RXFP1: variants seen among roughly 807,000 people sequenced by gnomAD.
The protein encoded by RXFP1 is relaxin receptor 1.
Under a neutral mutation model 89.8 loss-of-function variants are expected in RXFP1, and 73 were observed. The ratio of observed to expected loss-of-function variants is 0.81; its 90% CI spans 0.67 to 0.99. RXFP1 has a LOEUF of 0.99. RXFP1 is among the 50% of genes least tolerant of loss of function. The pLI, the probability that RXFP1 is intolerant of heterozygous loss-of-function variation, is 0.00. For synonymous variants in RXFP1, 277 were observed against 305.5 expected (o/e 0.91, Z 0.97); for missense variants, 793 against 895.5 (o/e 0.89, Z 1.46).
chr4:158,546,263 G>A (rs567819727), intron 1 of RXFP1, among the ~76,000 whole-genome samples: 14 of 152,230 alleles, frequency 9.2e-5, no homozygotes, highest in African/African-American at 3.4e-4. Flanking sequence ...TCTGTTATTG[G>A]TGTATAAGAA....
intron 1 of RXFP1, among the ~76,000 whole-genome samples, chr4:158,560,285 AT>A (rs1392816447): frequency 6.6e-6 from 1 of 152,108 alleles, no homozygotes; most frequent in Non-Finnish European, 1.5e-5. Context: ...CTCAGGGATG[AT>A]TTTTTTCCCA....
intron 1 of RXFP1, among the ~76,000 whole-genome samples, chr4:158,533,805 T>G (rs1444548259): frequency 6.6e-6 from 1 of 152,194 alleles, no homozygotes; most frequent in African/African-American, 2.4e-5. Context: ...CACTTACACC[T>G]GCCTTTCATG....
chr4:158,629,742 C>T (rs1193108764), intron 11 of RXFP1, among the ~76,000 whole-genome samples: 1 of 152,058 alleles, frequency 6.6e-6, no homozygotes, highest in African/African-American at 2.4e-5. Context: ...ATCCTCCCAC[C>T]TCAGCCTCCT....
At chr4:158,631,214 T>C (rs967941373) in intron 11 of RXFP1, among the ~76,000 whole-genome samples, 14 of 152,230 alleles carry the variant, frequency 9.2e-5, no homozygotes, top group African/African-American at 3.1e-4. Context: ...ACAAGACATT[T>C]GGAATTTTAA....
At chr4:158,631,596 C>T (rs1333305596) in intron 11 of RXFP1, among the ~76,000 whole-genome samples, 1 of 152,156 alleles carries the variant, frequency 6.6e-6, no homozygotes, top group Non-Finnish European at 1.5e-5. Flanking sequence ...AACACTTAAC[C>T]TCCCTGGGCT....
chr4:158,573,539 A>G (rs1165067756), intron 2 of RXFP1, among the ~76,000 whole-genome samples: 1 of 151,922 alleles, frequency 6.6e-6, no homozygotes, highest in East Asian at 1.9e-4. Flanking sequence ...ATGTAAGTGT[A>G]TTTTATGTGT....
intron 8 of RXFP1, among the ~76,000 whole-genome samples, chr4:158,615,344 C>T (rs1764344686): frequency 6.6e-6 from 1 of 151,876 alleles, no homozygotes; most frequent in Admixed American, 6.6e-5. Context: ...CAAGACCAGC[C>T]TGACCAACAT....
intron 2 of RXFP1, among the ~76,000 whole-genome samples, chr4:158,580,393 T>C (rs1210753753): frequency 2.6e-5 from 4 of 152,174 alleles, no homozygotes; most frequent in African/African-American, 4.8e-5. Flanking sequence ...AGATGTTAAA[T>C]ATCATAATAT....
intron 2 of RXFP1, among the ~76,000 whole-genome samples, chr4:158,584,502 A>C (rs1757931850): frequency 6.6e-6 from 1 of 152,186 alleles, no homozygotes; most frequent in African/African-American, 2.4e-5. Flanking sequence ...CTTATTTATT[A>C]ATCAATAAGC....
intron 3 of RXFP1, among the ~76,000 whole-genome samples, chr4:158,598,628 A>G (rs531531025): frequency 2.7e-3 from 412 of 152,232 alleles, no homozygotes; most frequent in Non-Finnish European, 5.2e-3. Flanking sequence ...CTCACATCCT[A>G]ACACTATCGC....
chr4:158,607,592 A>G (rs1452816802), intron 5 of RXFP1, among the ~76,000 whole-genome samples: 1 of 152,226 alleles, frequency 6.6e-6, no homozygotes, highest in Non-Finnish European at 1.5e-5. Flanking sequence ...GGGCTTTACT[A>G]TGTGTTAACA....
intron 3 of RXFP1, among the ~76,000 whole-genome samples, chr4:158,595,029 T>C (rs1385439567): frequency 6.6e-6 from 1 of 152,218 alleles, no homozygotes; most frequent in Admixed American, 6.5e-5. Context: ...ATAAGCACAA[T>C]GTATTATGTA....
At chr4:158,549,862 T>TG (rs796878254) in intron 1 of RXFP1, among the ~76,000 whole-genome samples, 25 of 152,200 alleles carry the variant, frequency 1.6e-4, no homozygotes, top group South Asian at 8.3e-4. Flanking sequence ...CTGCCCCTAC[T>TG]GGGGGGGTGC....
chr4:158,543,718 T>G, intron 1 of RXFP1: 1 of 969,770 alleles, frequency 1.0e-6, no homozygotes, highest in East Asian at 1.1e-4. Context: ...CTCTCCCTAG[T>G]ACTTCCTCCT....
At chr4:158,641,703 A>C (rs1018861945) in intron 14 of RXFP1, among the ~76,000 whole-genome samples, 1 of 152,212 alleles carries the variant, frequency 6.6e-6, no homozygotes, top group Non-Finnish European at 1.5e-5. Flanking sequence ...TATACACTAA[A>C]GATCGTTTAT....
Position 158,648,754 on chromosome 4 carries a change from A to G in RXFP1, c.1975+37A>G, listed in dbSNP as rs1458984856. The G allele has an allele frequency of 4.0e-6, 5 of 1,257,536 alleles. No homozygotes were observed. The African/African-American group carries it at 7.6e-5, about 19-fold the overall frequency. 77.9% of individuals were successfully genotyped at this position (1,257,536 alleles called of 1,614,324 possible). A position where few individuals can be genotyped will look rare whatever the true frequency, so the allele number is the denominator to read the frequency against. ...TTTAATCTCCTTAAAGAAATAATAAATCTGTTTTTACAGTGTTCTTTTAAG... is the reference window on the plus strand; with the variant it reads ...TTTAATCTCCTTAAAGAAATAATAAGTCTGTTTTTACAGTGTTCTTTTAAG... On this transcript the variant is annotated intron_variant, in intron 17 of 17. Transcript: ENST00000307765.
chr4:158,566,445 C>T (rs1753570063), intron 1 of RXFP1, among the ~76,000 whole-genome samples: 1 of 152,066 alleles, frequency 6.6e-6, no homozygotes, highest in Admixed American at 6.6e-5. Context: ...CTCACTGCAA[C>T]CTCCACCTTC....
At chr4:158,640,113 TAA>T (rs561432857) in intron 14 of RXFP1, among the ~76,000 whole-genome samples, 211 of 152,340 alleles carry the variant, frequency 1.4e-3, no homozygotes, top group African/African-American at 5.0e-3. Flanking sequence ...AAACAATAAT[TAA>T]AACTCTTAAA....
At chr4:158,540,724 G>A (rs572447057) in intron 1 of RXFP1, among the ~76,000 whole-genome samples, 4 of 151,792 alleles carry the variant, frequency 2.6e-5, no homozygotes, top group African/African-American at 7.3e-5. Context: ...AGCCCACAGC[G>A]CACATCTGGG....
Sources: allele counts gnomAD v4.1 joint callset (sites outside exome capture counted in the v4.1 genomes callset), GRCh38; gene constraint gnomAD v4.1.1; transcripts MANE v1.5; gene names NCBI Gene and HGNC (gene_info 2026-07-23, HGNC 2026-07-21).